Variants in CNKSR2 observed in about 807,000 individuals in gnomAD.
CNKSR2 encodes the protein CNK homolog protein 2.
A neutral mutation model predicts 84.4 loss-of-function variants in CNKSR2; 14 were observed. The observed-to-expected ratio is 0.17, with a 90% CI of 0.11 to 0.26. CNKSR2 has a LOEUF of 0.26. Ranked by LOEUF, CNKSR2 falls within the 10% of genes least tolerant of loss-of-function variation. The pLI is 1.00. For synonymous variants in CNKSR2, 275 were observed against 277.9 expected, an observed-to-expected ratio of 0.99 and a Z score of 0.10; for missense variants, 485 against 771.2, an observed-to-expected ratio of 0.63 and a Z score of 4.40.
At chrX:21,508,331 A>G (rs1274674485) in intron 8 of CNKSR2, among the ~76,000 whole-genome samples, 1 of 112,174 alleles carries the variant, frequency 8.9e-6, no homozygotes, top group East Asian at 2.8e-4. Flanking sequence ...CTCTGTCTCA[A>G]AAAAAGAAAA....
chrX:21,383,393 T>C (rs1289095473), intron 1 of CNKSR2, among the ~76,000 whole-genome samples: 1 of 112,771 alleles, frequency 8.9e-6, no homozygotes, highest in Non-Finnish European at 1.9e-5. Context: ...CTGTTTTAGC[T>C]CTCTTTGTTC....
chrX:21,590,907 T>C, intron 14 of CNKSR2, 115 bp from the exon 15 acceptor site: 2 of 636,513 alleles, frequency 3.1e-6, no homozygotes, highest in South Asian at 7.5e-5. Context: ...TCTAGTCTAA[T>C]ACAATATAAA....
At chrX:21,506,814 A>G (rs780310660) in intron 8 of CNKSR2, 27 of 111,162 alleles carry the variant, frequency 2.4e-4, no homozygotes, top group Non-Finnish European at 5.7e-5. Context: ...TTCAGTGTCA[A>G]CGTGGTTACT....
intron 11 of CNKSR2, among the ~76,000 whole-genome samples, chrX:21,551,302 C>T (rs1037016126): frequency 1.8e-5 from 2 of 111,689 alleles, no homozygotes; most frequent in Non-Finnish European, 3.8e-5. Context: ...CACCATGGCA[C>T]GTGCATACCT....
At chrX:21,426,165 G>A (rs192815113) in intron 1 of CNKSR2, 57 of 186,393 alleles carry the variant, frequency 3.1e-4, no homozygotes, top group Non-Finnish European at 4.3e-4. Context: ...AGAATTTGAT[G>A]CAGATAAATT....
chrX:21,629,093 CA>C (rs2092636656), intron 20 of CNKSR2, among the ~76,000 whole-genome samples: 1 of 112,427 alleles, frequency 8.9e-6, no homozygotes, highest in Non-Finnish European at 1.9e-5. Context: ...TTCTCTAGGG[CA>C]GGGGCAAAAT....
intron 4 of CNKSR2, among the ~76,000 whole-genome samples, chrX:21,442,003 A>G (rs1184978713): frequency 9.0e-6 from 1 of 111,710 alleles, no homozygotes; most frequent in Non-Finnish European, 1.9e-5. Flanking sequence ...TGGTGCTACT[A>G]TGAAGTAAAA....
chrX:21,590,555 T>C lies in CNKSR2; in HGVS notation c.1609-17T>C. 8.3e-7 allele frequency: 1 copy of C among 1,201,667 alleles called. No individual in the cohort carries two copies. Among genetic ancestry groups the C allele is most frequent in the Non-Finnish European group, 1.1e-6 (1 of 888,021 alleles). On this transcript the variant is annotated splice_polypyrimidine_tract_variant and intron_variant, in intron 13 of 21. Transcript: ENST00000379510. ...ACCCTGAGTATCAGATAACATTCTT[T>C]TTATCTTTGATTTCAGACATTTCAG... is the stretch of plus-strand genomic sequence containing the variant.
rs139516967 is a variant in CNKSR2, at chrX:21,574,555, G to T, written c.1608+11103G>T. Among the ~76,000 whole-genome samples the T allele has an allele frequency of 8.3e-3, 924 of 111,532 alleles. 6 individuals carry two copies. The highest frequency in any genetic ancestry group is 0.027 in the African/African-American group (831 of 30,684). Reference sequence around the variant, plus strand: ...GTGAAGGGGAGGGGAAAGCCCCTTAGAAAACCATCAAATCTTATGAGAACT... The same window carrying T: ...GTGAAGGGGAGGGGAAAGCCCCTTATAAAACCATCAAATCTTATGAGAACT... On this transcript the variant is annotated intron_variant, in intron 13 of 21. Transcript: ENST00000379510.
chrX:21,382,163 C>G (rs1220539901), intron 1 of CNKSR2, among the ~76,000 whole-genome samples: 1 of 111,740 alleles, frequency 8.9e-6, no homozygotes, highest in East Asian at 2.8e-4. Flanking sequence ...TTATAATGCT[C>G]TAATGGATAC....
intron 13 of CNKSR2, among the ~76,000 whole-genome samples, chrX:21,577,727 A>G (rs1348606160): frequency 9.1e-6 from 1 of 110,398 alleles, no homozygotes; most frequent in Non-Finnish European, 1.9e-5. Context: ...GAATTATCTT[A>G]CCCCTAGAAT....
intron 1 of CNKSR2, among the ~76,000 whole-genome samples, chrX:21,419,983 A>G (rs1170003227): frequency 8.9e-6 from 1 of 112,503 alleles, no homozygotes; most frequent in Admixed American, 9.3e-5. Context: ...CCTTCAGGGC[A>G]GCAATTTCCC....
intron 9 of CNKSR2, among the ~76,000 whole-genome samples, chrX:21,523,557 A>G (rs2091805330): frequency 9.0e-6 from 1 of 110,810 alleles, no homozygotes; most frequent in Non-Finnish European, 1.9e-5. Flanking sequence ...ATTATAAGTA[A>G]ATGTTGCCAG....
chrX:21,621,355 T>C (rs2092600774), intron 20 of CNKSR2, among the ~76,000 whole-genome samples: 1 of 111,636 alleles, frequency 9.0e-6, no homozygotes, highest in African/African-American at 3.2e-5. Flanking sequence ...AGTGCAGCTA[T>C]TTATATTTAT....
intron 17 of CNKSR2, among the ~76,000 whole-genome samples, chrX:21,597,485 A>C (rs1231494395): frequency 8.9e-6 from 1 of 111,980 alleles, no homozygotes; most frequent in Non-Finnish European, 1.9e-5. Context: ...ATTGTCCCAA[A>C]ATACTGAATT....
chrX:21,454,207 A>T (rs906575846), intron 4 of CNKSR2, among the ~76,000 whole-genome samples: 2 of 111,976 alleles, frequency 1.8e-5, no homozygotes, highest in Admixed American at 9.5e-5. Context: ...ACTAAAAGTC[A>T]TATAGGTTAT....
chrX:21,652,650 C>A lies in CNKSR2; in HGVS notation c.*129C>A, dbSNP rs2092723768. The A allele has an allele frequency of 4.2e-6, 2 of 478,044 alleles. No individual in the cohort carries two copies. The highest frequency in any genetic ancestry group is 3.7e-5 in the Admixed American group (1 of 26,838). 39.4% of individuals were successfully genotyped at this position (478,044 alleles called of 1,213,427 possible). On this transcript the variant is annotated 3_prime_UTR_variant, in exon 22 of 22. Coordinates refer to ENST00000379510, the MANE Select transcript of CNKSR2 (RefSeq NM_014927.5). Reference sequence around the variant, plus strand: ...ATGTTACCAAACTATATGAAACAAACCATATATGGTCACAATACCACTATC... The same window carrying A: ...ATGTTACCAAACTATATGAAACAAAACATATATGGTCACAATACCACTATC...
intron 21 of CNKSR2, among the ~76,000 whole-genome samples, chrX:21,650,912 T>C (rs1004766672): frequency 8.9e-6 from 1 of 111,746 alleles, no homozygotes; most frequent in Non-Finnish European, 1.9e-5. Flanking sequence ...CAGTGACTAA[T>C]CCTACTCCAA....
chrX:21,466,240 AC>A (rs1265000594), intron 4 of CNKSR2, among the ~76,000 whole-genome samples: 1 of 111,725 alleles, frequency 9.0e-6, no homozygotes, highest in Non-Finnish European at 1.9e-5. Context: ...TCAGAGGTGT[AC>A]CTTTCCACAG....
Sources: gnomAD v4.1 joint callset for allele counts (sites outside exome capture counted in the v4.1 genomes callset) on GRCh38, gnomAD v4.1.1 for gene constraint, MANE v1.5 for transcripts, NCBI Gene and HGNC (gene_info 2026-07-23, HGNC 2026-07-21) for gene names.